The following TNC variants were observed in gnomAD, a reference collection of about 807,000 sequenced individuals.
TNC encodes tenascin C.
Under a neutral mutation model 202.4 loss-of-function variants are expected in TNC, and 109 were observed. The observed-to-expected ratio is 0.54, with a 90% CI of 0.46 to 0.63. The LOEUF (loss-of-function observed/expected upper bound fraction) is 0.63. Among genes scored for constraint, TNC ranks in the 30% least tolerant of loss-of-function variants. The pLI is 0.00. For synonymous variants in TNC, 1,007 were observed against 1,089.7 expected (o/e 0.92, Z 1.50); for missense variants, 2,756 against 2,833.3 (o/e 0.97, Z 0.62).
intron 15 of TNC, among the ~76,000 whole-genome samples, chr9:115,055,317 G>C (rs117405424): frequency 0.013 from 1,940 of 152,280 alleles, 93 homozygotes; most frequent in Admixed American, 0.089. Context: ...TTTGGGGTGA[G>C]AGTTATTTTA....
intron 10 of TNC, among the ~76,000 whole-genome samples, chr9:115,069,042 A>G (rs114031600): frequency 0.013 from 1,967 of 152,326 alleles, 46 homozygotes; most frequent in African/African-American, 0.045. Flanking sequence ...TTTCTCTTCT[A>G]TACACCGGCA....
At chr9:115,094,492 G>C (rs77205690) in intron 1 of TNC, among the ~76,000 whole-genome samples, 2 of 152,198 alleles carry the variant, frequency 1.3e-5, no homozygotes, top group East Asian at 3.8e-4. Flanking sequence ...GATGAACCCA[G>C]GGAAACTTAC....
chr9:115,063,647 A>G (rs747200182), intron 12 of TNC, 149 bp downstream of exon 12: 3 of 881,004 alleles, frequency 3.4e-6, no homozygotes, highest in Non-Finnish European at 5.1e-6. Flanking sequence ...CAAATAAGGG[A>G]TGTGACATTT....
intron 6 of TNC, among the ~76,000 whole-genome samples, chr9:115,080,116 A>G (rs1042206007): frequency 7.2e-5 from 11 of 152,146 alleles, no homozygotes; most frequent in Admixed American, 1.3e-4. Flanking sequence ...CAAAATGAAC[A>G]GGTAAATATT....
At position 115,114,411 on chromosome 9, in the gene TNC, G is replaced by A. The variant is rs137953255; in HGVS notation, c.-137+3571C>T. Reference sequence around the variant, plus strand: ...TCAGCCCTTTTAAAACCAGATGTTTGGCTCACCTGTGTGCCTACTTTTCTG... The same window carrying A: ...TCAGCCCTTTTAAAACCAGATGTTTAGCTCACCTGTGTGCCTACTTTTCTG... On this transcript the variant is annotated intron_variant, in intron 1 of 27. Transcript: ENST00000350763. Among the ~76,000 whole-genome samples the A allele has an allele frequency of 2.4e-3, 360 of 152,230 alleles. 3 individuals carry two copies. Among genetic ancestry groups the A allele is most frequent in the African/African-American group, 8.4e-3 (349 of 41,532 alleles).
chr9:115,066,276 T>C (rs1054137509), intron 10 of TNC, among the ~76,000 whole-genome samples: 2 of 152,224 alleles, frequency 1.3e-5, no homozygotes, highest in Non-Finnish European at 2.9e-5. Context: ...TGAGCTTAAG[T>C]GGACTTTGCA....
At chr9:115,075,658 A>C (rs1324982411) in intron 9 of TNC, among the ~76,000 whole-genome samples, 1 of 151,004 alleles carries the variant, frequency 6.6e-6, no homozygotes, top group East Asian at 2.0e-4. Flanking sequence ...GGTGGTATGC[A>C]CCTGTAGTCC....
chr9:115,086,331 T>G lies in TNC; in HGVS notation c.1400A>C (p.Asp467Ala). The change falls in exon 3 of 28, where the codon GAC (aspartate) becomes GCC (alanine). Residue 467 changes from aspartate to alanine, a missense_variant. Transcript: ENST00000350763. ...GTGACAGTCATTAGGGCAGCTCATG[T>G]CACTGCAGTCATAGCCCTTGAAGCC... is the stretch of plus-strand genomic sequence containing the variant. Reference protein sequence around the residue: ...EQGFKGYDCSDMSCPNDCHQH... With the variant: ...EQGFKGYDCSAMSCPNDCHQH... The G allele has an allele frequency of 6.2e-7, 1 of 1,614,212 alleles. No individual in the cohort carries two copies. The highest frequency in any genetic ancestry group is 8.5e-7 in the Non-Finnish European group (1 of 1,180,036).
Position 115,059,808 on chromosome 9 carries a change from C to T in TNC, c.4228G>A (p.Ala1410Thr), listed in dbSNP as rs527889235. The change falls in exon 14 of 28, where the codon GCC becomes ACC. Residue 1410 changes from alanine (A) to threonine (T), a missense_variant. By Grantham distance (58) the Ala-to-Thr change is moderately conservative. Around this residue, in one of 2 missense-constraint regions of TNC, gnomAD observed 2,559 missense variants for 2,546.0 expected, o/e 1.01. Coordinates refer to ENST00000350763, the MANE Select transcript of TNC (RefSeq NM_002160.4). Reference protein sequence around the residue: ...RAVDIPGLEAATPYRVSIYGV... With the variant: ...RAVDIPGLEATTPYRVSIYGV... ...TAGATGGAGACTCTATAAGGCGTGG[C>T]AGCCTCGAGGCCCGGGATGTCCACA... 2 of 1,613,632 alleles carry T rather than the reference C, an allele frequency of 1.2e-6. No homozygotes were observed. The highest frequency in any genetic ancestry group is 1.7e-6 in the Non-Finnish European group (2 of 1,179,884).
At chr9:115,026,025 C>T (rs1829450467) in intron 26 of TNC, among the ~76,000 whole-genome samples, 1 of 152,166 alleles carries the variant, frequency 6.6e-6, no homozygotes. Context: ...TGGTTTGCTA[C>T]TCAAGCTGTG....
rs200001232 is a variant in TNC, at chr9:115,073,651, C to T, written c.3166G>A (p.Glu1056Lys). 37 of 1,613,998 alleles carry T rather than the reference C, an allele frequency of 2.3e-5. No individual in the cohort carries two copies. The highest frequency in any genetic ancestry group is 6.7e-5 in the East Asian group (3 of 44,894). Reference sequence around the variant, plus strand: ...GGCTTGCTCTTGTGTCTGCCTTTCTCGGCTGTCAGGAGGACATTGTACTCC... The same window carrying T: ...GGCTTGCTCTTGTGTCTGCCTTTCTTGGCTGTCAGGAGGACATTGTACTCC... The part of the protein sequence containing the change: ...GQEYNVLLTA[E>K]KGRHKSKPAR... Residue 1056 changes from glutamate to lysine, a missense_variant, in exon 10 of 28, where the codon GAG becomes AAG. Glu to Lys is a moderately conservative substitution (Grantham distance 56). Transcript: ENST00000350763.
At chr9:115,060,088 G>A (rs865995839) in intron 13 of TNC, 86 bp from the exon 14 acceptor site, 1 of 1,358,948 alleles carries the variant, frequency 7.4e-7, no homozygotes. Context: ...CTAGGAAAGA[G>A]AGAAAGGGGA....
chr9:115,046,526 G>A lies in TNC; in HGVS notation c.5009C>T (p.Ala1670Val), dbSNP rs1831206627. The change falls in exon 17 of 28, where the codon GCC becomes GTC. Residue 1670 changes from alanine to valine, a missense_variant. Transcript: ENST00000350763. Reference protein sequence around the residue: ...QSEPLEITLLAPERTRDITGL... With the variant: ...QSEPLEITLLVPERTRDITGL... ...TGTTATGTCCCTGGTACGTTCGGGG[G>A]CAAGTAGGGTTATTTCCAGTGGCTC... The A allele has an allele frequency of 6.2e-7, 1 of 1,614,090 alleles. No homozygotes were observed. Among genetic ancestry groups the A allele is most frequent in the Non-Finnish European group, 8.5e-7 (1 of 1,179,988 alleles).
chr9:115,090,555 C>T lies in TNC; in HGVS notation c.457+7G>A. 1 of 1,563,610 alleles carries T rather than the reference C, an allele frequency of 6.4e-7. No homozygotes were observed. Among genetic ancestry groups the T allele is most frequent in the Non-Finnish European group, 8.7e-7 (1 of 1,153,404 alleles). ...AGTGTGGGACTGGGCGGGCCACCAG[C>T]TCATACCTGTGGCAGGCTGGAGACA... On this transcript the variant is annotated splice_region_variant and intron_variant, in intron 2 of 27. Transcript: ENST00000350763.
At chr9:115,103,980 A>G (rs1401003520) in intron 1 of TNC, among the ~76,000 whole-genome samples, 2 of 152,222 alleles carry the variant, frequency 1.3e-5, no homozygotes, top group African/African-American at 4.8e-5. Flanking sequence ...CCATTGATAC[A>G]TTCAGACCAC....
At chr9:115,066,427 T>A (rs2132727500) in intron 10 of TNC, among the ~76,000 whole-genome samples, 1 of 152,382 alleles carries the variant, frequency 6.6e-6, no homozygotes, top group East Asian at 1.9e-4. Flanking sequence ...GAGCCTTATG[T>A]GTCCATTAGA....
chr9:115,062,887 T>C (rs371039221), intron 13 of TNC, 30 bp downstream of exon 13: 266 of 1,596,832 alleles, frequency 1.7e-4, no homozygotes, highest in Non-Finnish European at 2.1e-4. Flanking sequence ...GCTCCTATCA[T>C]GTCTCCAGTC....
At chr9:115,048,117 G>C (rs1040997645) in intron 16 of TNC, 143 bp downstream of exon 16, 1 of 1,014,834 alleles carries the variant, frequency 9.9e-7, no homozygotes. Context: ...GAGGGAGTGT[G>C]GGGAGAAGGT....
At position 115,087,160 on chromosome 9, in the gene TNC, G is replaced by A. The variant is rs1834827258; in HGVS notation, c.571C>T (p.Pro191Ser). ...KGPNCSEPEC[P>S]GNCHLRGRCI... ...CGGCCTCGAAGGTGACAGTTGCCTG[G>A]ACATTCGGGCTCAGAGCAGTTGGGG... Residue 191 changes from proline to serine, a missense_variant, in exon 3 of 28, where the codon CCA becomes TCA. Pro to Ser is a moderately conservative substitution (Grantham distance 74, BLOSUM62 -1). Around this residue, in one of 2 missense-constraint regions of TNC, gnomAD observed 2,559 missense variants for 2,546.0 expected, o/e 1.01. Coordinates refer to ENST00000350763, the MANE Select transcript of TNC (RefSeq NM_002160.4). The A allele has an allele frequency of 6.2e-7, 1 of 1,614,124 alleles. No individual in the cohort carries two copies. The highest frequency in any genetic ancestry group is 1.3e-5 in the African/African-American group (1 of 74,938).
Sources: allele counts gnomAD v4.1 joint callset (sites outside exome capture counted in the v4.1 genomes callset), GRCh38; gene constraint gnomAD v4.1.1; regional missense constraint gnomAD v4.1.1; transcripts MANE v1.5; gene names NCBI Gene and HGNC (gene_info 2026-07-23, HGNC 2026-07-21).